Variants in ZNF578 observed in about 807,000 individuals in gnomAD.
ZNF578 encodes the protein Putative chemokine-related protein B42.
In ZNF578, 8 loss-of-function variants were observed where a neutral mutation model predicts 8.3. The observed-to-expected ratio is 0.96, with a 90% CI of 0.56 to 1.74. The LOEUF (loss-of-function observed/expected upper bound fraction) is 1.74, where lower values mean the gene tolerates loss of function less well. ZNF578 is among the 40% of genes most tolerant of loss of function. The pLI, the probability that ZNF578 is intolerant of heterozygous loss-of-function variation, is 0.00. For missense variants in ZNF578, 726 were observed against 707.5 expected (o/e 1.03, Z -0.30); for synonymous variants, 206 against 232.2 (o/e 0.89, Z 1.03).
At chr19:52,497,361 G>A (rs565548519) in intron 3 of ZNF578, among the ~76,000 whole-genome samples, 8 of 152,224 alleles carry the variant, frequency 5.3e-5, no homozygotes, top group African/African-American at 1.7e-4. Flanking sequence ...CTCCCAAAGT[G>A]CTTGTGCACC....
At chr19:52,486,622 C>T (rs2059346775) in intron 2 of ZNF578, among the ~76,000 whole-genome samples, 1 of 151,876 alleles carries the variant, frequency 6.6e-6, no homozygotes, top group East Asian at 1.9e-4. Context: ...GGAGCCAGGG[C>T]AGACAGAGCA....
intron 5 of ZNF578, among the ~76,000 whole-genome samples, chr19:52,508,864 A>G (rs1384032314): frequency 6.8e-6 from 1 of 146,620 alleles, no homozygotes; most frequent in Non-Finnish European, 1.5e-5. Context: ...TTGTGACCTC[A>G]TAATTGCACT....
At chr19:52,502,727 A>T (rs113273112) in intron 4 of ZNF578, among the ~76,000 whole-genome samples, 3,301 of 152,080 alleles carry the variant, frequency 0.022, 115 homozygotes, top group African/African-American at 0.074. Flanking sequence ...ACGGAGCAAG[A>T]CTCTGTCTCA....
intron 2 of ZNF578, chr19:52,458,446 A>T (rs1480603333): frequency 4.1e-5 from 5 of 122,776 alleles, no homozygotes; most frequent in Admixed American, 2.7e-4. Flanking sequence ...ATTAAAAAAA[A>T]AACAACAACT....
chr19:52,507,628 C>G (rs778435381), intron 5 of ZNF578, among the ~76,000 whole-genome samples: 3 of 152,178 alleles, frequency 2.0e-5, no homozygotes, highest in Non-Finnish European at 4.4e-5. Context: ...AATCCAAGAG[C>G]AAGATGTCAG....
At chr19:52,459,769 A>ATATATTTTTTT (rs1555751349) in intron 2 of ZNF578, among the ~76,000 whole-genome samples, 404 of 17,614 alleles carry the variant, frequency 0.023, 126 homozygotes, top group Non-Finnish European at 0.029. Context: ...ATATATATAT[A>ATATATTTTTTT]TTTTTTTTTT....
chr19:52,487,725 G>A (rs1599898673), intron 2 of ZNF578, among the ~76,000 whole-genome samples: 2 of 152,156 alleles, frequency 1.3e-5, no homozygotes, highest in Admixed American at 6.5e-5. Flanking sequence ...GACCTCTTGG[G>A]CTCAAGCGAT....
chr19:52,508,839 C>T (rs975619974), intron 5 of ZNF578, among the ~76,000 whole-genome samples: 5 of 147,608 alleles, frequency 3.4e-5, no homozygotes, highest in East Asian at 3.9e-4. Flanking sequence ...TTAGCCAGTA[C>T]GAACATAACT....
At chr19:52,467,014 T>A (rs2059277355) in intron 2 of ZNF578, among the ~76,000 whole-genome samples, 1 of 135,100 alleles carries the variant, frequency 7.4e-6, no homozygotes, top group African/African-American at 3.1e-5. Context: ...TCTTGATTAA[T>A]TTTTTTTTTT....
At chr19:52,468,721 T>G (rs1840998) in intron 2 of ZNF578, among the ~76,000 whole-genome samples, 6 of 152,142 alleles carry the variant, frequency 3.9e-5, no homozygotes, top group East Asian at 3.9e-4. Flanking sequence ...CACCATCCGA[T>G]TGGCTGCCAG....
At position 52,472,161 on chromosome 19, in the gene ZNF578, C is replaced by T. The variant is rs537780050; in HGVS notation, c.-122+15203C>T. On this transcript the variant is annotated intron_variant, in intron 2 of 5. Coordinates refer to ENST00000421239, the MANE Select transcript of ZNF578 (RefSeq NM_001099694.2). ...TTCCCAGCACTTTGGGAGGCTAAGG[C>T]GGGTAGATCACCTGAGGCCATGAGT... Among the ~76,000 whole-genome samples, 6 of 152,248 alleles carry T rather than the reference C, an allele frequency of 3.9e-5. No homozygotes were observed. In the South Asian group the frequency reaches 8.3e-4, roughly 21 times the overall value.
chr19:52,457,895 A>G (rs2059244376), intron 2 of ZNF578: 2 of 153,848 alleles, frequency 1.3e-5, no homozygotes, highest in East Asian at 1.9e-4. Flanking sequence ...AGGCCCTCTG[A>G]TGTCACTTAA....
At chr19:52,510,057 ATCTTT>A (rs1403227560) in intron 5 of ZNF578, among the ~76,000 whole-genome samples, 3 of 151,582 alleles carry the variant, frequency 2.0e-5, no homozygotes, top group African/African-American at 7.3e-5. Flanking sequence ...AATTTTTGTA[ATCTTT>A]TCTTATCTTC....
chr19:52,510,618 A>G lies in ZNF578; in HGVS notation c.237A>G (p.Gln79=). The change falls in exon 6 of 6, where the codon CAA becomes CAG. Residue 79 remains glutamine (Q), a synonymous_variant. Transcript: ENST00000421239. The part of the protein sequence containing the change: ...RMMKEVLSTG[Q]GNTEVIHTGM... Reference sequence around the variant, plus strand: ...TGAAGGAGGTCTTGTCAACAGGGCAAGGCAATACAGAAGTGATCCACACAG... The same window carrying G: ...TGAAGGAGGTCTTGTCAACAGGGCAGGGCAATACAGAAGTGATCCACACAG... 1 of 1,583,138 alleles carries G rather than the reference A, an allele frequency of 6.3e-7. No homozygotes were observed. Among genetic ancestry groups the G allele is most frequent in the East Asian group, 2.2e-5 (1 of 44,618 alleles).
intron 2 of ZNF578, among the ~76,000 whole-genome samples, chr19:52,483,124 C>T (rs920562702): frequency 6.6e-6 from 1 of 151,898 alleles, no homozygotes; most frequent in African/African-American, 2.4e-5. Context: ...TTTATATGAG[C>T]AGTAGTCCTG....
intron 5 of ZNF578, among the ~76,000 whole-genome samples, chr19:52,508,271 G>T (rs1298838771): frequency 6.6e-6 from 1 of 151,776 alleles, no homozygotes; most frequent in Non-Finnish European, 1.5e-5. Context: ...CTTGAACCCG[G>T]GAGGCAAAGT....
intron 2 of ZNF578, among the ~76,000 whole-genome samples, chr19:52,484,379 C>T (rs773885018): frequency 1.2e-4 from 19 of 152,180 alleles, no homozygotes; most frequent in Non-Finnish European, 2.5e-4. Flanking sequence ...TTCACTAATC[C>T]TCCTCAGCAC....
At chr19:52,473,198 G>A (rs10418755) in intron 2 of ZNF578, 3 of 152,360 alleles carry the variant, frequency 2.0e-5, no homozygotes, top group African/African-American at 7.2e-5. Context: ...GTTGATTAAC[G>A]CTCATGATGA....
At chr19:52,488,911 A>G (rs2059355379) in intron 2 of ZNF578, among the ~76,000 whole-genome samples, 1 of 152,064 alleles carries the variant, frequency 6.6e-6, no homozygotes. Flanking sequence ...CCTGGCCTAC[A>G]TGGTGAAACC....
Sources: gnomAD v4.1 joint callset for allele counts (sites outside exome capture counted in the v4.1 genomes callset) on GRCh38, gnomAD v4.1.1 for gene constraint, MANE v1.5 for transcripts, NCBI Gene and HGNC (gene_info 2026-07-23, HGNC 2026-07-21) for gene names.